CCDC122: variants seen among roughly 807,000 people sequenced by gnomAD.
The protein encoded by CCDC122 is coiled-coil domain-containing protein 122.
In CCDC122, 38 loss-of-function variants were observed where a neutral mutation model predicts 37.0. The observed-to-expected ratio is 1.03, with a 90% confidence interval of 0.79 to 1.35. The LOEUF (loss-of-function observed/expected upper bound fraction) is 1.35, where lower values mean the gene tolerates loss of function less well. Among genes scored for constraint, CCDC122 ranks in the 40% most tolerant of loss-of-function variants. The pLI is 0.00. For missense variants in CCDC122, 305 were observed against 310.0 expected (o/e 0.98, Z 0.12); for synonymous variants, 83 against 95.6 (o/e 0.87, Z 0.77).
chr13:43,834,609 A>G (rs1241634329), downstream of CCDC122, among the ~76,000 whole-genome samples: 4 of 152,264 alleles, frequency 2.6e-5, no homozygotes, highest in Non-Finnish European at 4.4e-5. Context: ...CAACAAATTT[A>G]TAAGAAAAAA....
chr13:43,822,420 C>T (rs1394535267), downstream of CCDC122, among the ~76,000 whole-genome samples: 2 of 152,224 alleles, frequency 1.3e-5, no homozygotes, highest in African/African-American at 4.8e-5. Flanking sequence ...TCACCCAAGG[C>T]CCCCTGTAAT....
chr13:43,843,350 TA>T (rs1301750069), intron 6 of CCDC122, among the ~76,000 whole-genome samples: 1 of 152,082 alleles, frequency 6.6e-6, no homozygotes, highest in African/African-American at 2.4e-5. Flanking sequence ...GTCACTATAG[TA>T]AATTACATCA....
chr13:43,830,907 AAG>A (rs1953083214), intron 3 of CCDC122, among the ~76,000 whole-genome samples: 1 of 152,172 alleles, frequency 6.6e-6, no homozygotes, highest in East Asian at 1.9e-4. Flanking sequence ...TTTTTATTAA[AAG>A]AGATGAAAGA....
chr13:43,867,346 T>C (rs780282779), intron 4 of CCDC122, among the ~76,000 whole-genome samples: 2 of 152,142 alleles, frequency 1.3e-5, no homozygotes, highest in Non-Finnish European at 2.9e-5. Context: ...AATGTACCAA[T>C]GCTATTTCAG....
chr13:43,863,786 C>T (rs184379020), intron 4 of CCDC122, among the ~76,000 whole-genome samples: 4 of 151,708 alleles, frequency 2.6e-5, no homozygotes, highest in Non-Finnish European at 5.9e-5. Flanking sequence ...CTGTGACAAC[C>T]CAAATGGCCA....
chr13:43,848,075 T>A (rs527442067), intron 6 of CCDC122, among the ~76,000 whole-genome samples: 5 of 152,310 alleles, frequency 3.3e-5, no homozygotes, highest in African/African-American at 9.6e-5. Context: ...GTGCCCAGGC[T>A]CTGGGTTTTT....
intron 6 of CCDC122, among the ~76,000 whole-genome samples, chr13:43,848,276 A>C (rs1219931385): frequency 6.6e-6 from 1 of 152,256 alleles, no homozygotes; most frequent in African/African-American, 2.4e-5. Flanking sequence ...ATGCTGTACA[A>C]AATTTAGGCA....
At chr13:43,838,604 C>CA (rs1472298951) in intron 6 of CCDC122, among the ~76,000 whole-genome samples, 4 of 152,256 alleles carry the variant, frequency 2.6e-5, no homozygotes, top group African/African-American at 9.6e-5. Flanking sequence ...TTACCAACCA[C>CA]AGGTTCTTAG....
At chr13:43,830,689 G>A (rs1382569169) in intron 3 of CCDC122, among the ~76,000 whole-genome samples, 2 of 152,302 alleles carry the variant, frequency 1.3e-5, no homozygotes, top group Non-Finnish European at 2.9e-5. Context: ...GTTTTTCTTT[G>A]CGAGGCATGT....
At chr13:43,840,381 TTTTA>T (rs1953305410) in intron 6 of CCDC122, among the ~76,000 whole-genome samples, 1 of 152,130 alleles carries the variant, frequency 6.6e-6, no homozygotes, top group Non-Finnish European at 1.5e-5. Flanking sequence ...TTATTTTTAT[TTTTA>T]TTTTTTACTA....
rs1953190347 is a variant in CCDC122, at chr13:43,837,138, A to G, written c.*142T>C. The G allele has an allele frequency of 1.0e-5, 8 of 792,452 alleles. No individual in the cohort carries two copies. The highest frequency in any genetic ancestry group is 1.4e-5 in the Non-Finnish European group (7 of 511,672). 49.1% of individuals were successfully genotyped at this position (792,452 alleles called of 1,614,324 possible). A position where few individuals can be genotyped will look rare whatever the true frequency, so the allele number is the denominator to read the frequency against. On this transcript the variant is annotated 3_prime_UTR_variant, in exon 7 of 7. Transcript: ENST00000444614. ...AACAAATCGATGACTGATTTAAAAA[A>G]AACAACAACCGAAGACATCTGTCAT...
chr13:43,840,969 A>T (rs1431796891), intron 6 of CCDC122, among the ~76,000 whole-genome samples: 1 of 152,228 alleles, frequency 6.6e-6, no homozygotes, highest in Non-Finnish European at 1.5e-5. Context: ...AATGACTTCC[A>T]CAATGGTTTA....
intron 4 of CCDC122, among the ~76,000 whole-genome samples, chr13:43,864,545 C>T (rs1219111492): frequency 2.0e-5 from 3 of 151,898 alleles, no homozygotes; most frequent in East Asian, 1.9e-4. Flanking sequence ...GAGAGGGAGC[C>T]GGGAGGCGCC....
chr13:43,859,757 T>A lies in CCDC122; in HGVS notation c.470A>T (p.Asp157Val), dbSNP rs1319774598. 1.3e-6 allele frequency: 2 copies of A among 1,598,286 alleles called. No individual in the cohort carries two copies. The highest frequency in any genetic ancestry group is 1.7e-6 in the Non-Finnish European group (2 of 1,175,666). ...SFMTELHEKR[D>V]FVKKLKTMKE... ...CATTGTCTTTAATTTTTTAACAAAATCTCGCTTTTCATGGAGTTCAGTCAT... is the reference window on the plus strand; with the variant it reads ...CATTGTCTTTAATTTTTTAACAAAAACTCGCTTTTCATGGAGTTCAGTCAT... Residue 157 changes from aspartate (D) to valine (V), a missense_variant, in exon 5 of 7, where the codon GAT (aspartate) becomes GTT (valine). Asp to Val is a radical substitution (Grantham distance 152). Transcript: ENST00000444614.
At chr13:43,849,901 T>C (rs1953667742) in intron 6 of CCDC122, among the ~76,000 whole-genome samples, 1 of 152,158 alleles carries the variant, frequency 6.6e-6, no homozygotes, top group Admixed American at 6.5e-5. Context: ...CAAGAAACCA[T>C]ACACTGTGGT....
At chr13:43,826,883 C>A (rs186702596) in intron 3 of CCDC122, among the ~76,000 whole-genome samples, 3 of 152,058 alleles carry the variant, frequency 2.0e-5, no homozygotes, top group Non-Finnish European at 2.9e-5. Context: ...CATATAGAAA[C>A]AATAAAACAA....
chr13:43,834,995 A>G (rs1175792008), downstream of CCDC122, among the ~76,000 whole-genome samples: 1 of 152,188 alleles, frequency 6.6e-6, no homozygotes, highest in Non-Finnish European at 1.5e-5. Flanking sequence ...ATGCTGCTAT[A>G]AAGACACATG....
At chr13:43,829,402 CTCA>C (rs1238873202) in intron 3 of CCDC122, among the ~76,000 whole-genome samples, 1 of 151,964 alleles carries the variant, frequency 6.6e-6, no homozygotes, top group Non-Finnish European at 1.5e-5. Flanking sequence ...GCCTCCCGGG[CTCA>C]TGTGATTCTC....
intron 6 of CCDC122, among the ~76,000 whole-genome samples, chr13:43,842,115 C>T (rs1953375790): frequency 6.6e-6 from 1 of 152,144 alleles, no homozygotes; most frequent in East Asian, 1.9e-4. Flanking sequence ...ACCAAGAAAT[C>T]TTTGCTAACC....
Sources: gnomAD v4.1 joint callset for allele counts (sites outside exome capture counted in the v4.1 genomes callset) on GRCh38, gnomAD v4.1.1 for gene constraint, MANE v1.5 for transcripts, NCBI Gene and HGNC (gene_info 2026-07-23, HGNC 2026-07-21) for gene names.